ELOVL6: variants seen among roughly 807,000 people sequenced by gnomAD.
The protein encoded by ELOVL6 is ELOVL fatty acid elongase 6.
ELOVL6 carries 8 observed loss-of-function variants against 31.7 expected under a neutral mutation model. The observed-to-expected ratio is 0.25, with a 90% CI of 0.15 to 0.45. The LOEUF (loss-of-function observed/expected upper bound fraction) is 0.45. ELOVL6 is among the 20% of genes least tolerant of loss of function. The probability of loss-of-function intolerance (pLI) is 1.00; values close to 1 mark genes in which losing one functional copy is unlikely to be tolerated. For missense variants in ELOVL6, 126 were observed against 326.4 expected (o/e 0.39, Z 4.73); for synonymous variants, 101 against 117.7 (o/e 0.86, Z 0.92).
chr4:110,064,084 A>G (rs1215938925), intron 2 of ELOVL6, among the ~76,000 whole-genome samples: 2 of 150,234 alleles, frequency 1.3e-5, no homozygotes, highest in Non-Finnish European at 2.9e-5. Context: ...GTCTCAAAAA[A>G]AAAAAAAAAA....
intron 1 of ELOVL6, among the ~76,000 whole-genome samples, chr4:110,121,023 A>T (rs1757342701): frequency 6.6e-6 from 1 of 151,210 alleles, no homozygotes; most frequent in Non-Finnish European, 1.5e-5. Flanking sequence ...CTGGTCTCGA[A>T]CTCCTGACCT....
intron 2 of ELOVL6, among the ~76,000 whole-genome samples, chr4:110,084,573 T>G (rs1468506499): frequency 9.2e-5 from 4 of 43,608 alleles, no homozygotes; most frequent in Admixed American, 7.1e-4. Context: ...GATATATATA[T>G]ATATATATAT....
At chr4:110,126,735 A>G (rs1053735662) in intron 1 of ELOVL6, among the ~76,000 whole-genome samples, 1 of 152,328 alleles carries the variant, frequency 6.6e-6, no homozygotes, top group East Asian at 1.9e-4. Flanking sequence ...TTCTGAATCC[A>G]GAAGAGTAAC....
chr4:110,106,326 A>C (rs1185618287), intron 1 of ELOVL6, among the ~76,000 whole-genome samples: 1 of 152,206 alleles, frequency 6.6e-6, no homozygotes, highest in East Asian at 1.9e-4. Context: ...CTCCATCTCA[A>C]AAGGCAAAAG....
At chr4:110,126,674 C>T (rs1462469589) in intron 1 of ELOVL6, among the ~76,000 whole-genome samples, 1 of 152,190 alleles carries the variant, frequency 6.6e-6, no homozygotes, top group African/African-American at 2.4e-5. Flanking sequence ...CTGACCACCT[C>T]CAACAGAACC....
chr4:110,063,621 T>C (rs1382949068), intron 2 of ELOVL6, among the ~76,000 whole-genome samples: 1 of 152,166 alleles, frequency 6.6e-6, no homozygotes, highest in Non-Finnish European at 1.5e-5. Flanking sequence ...GAAATGTATC[T>C]TTCCTTCAGA....
intron 1 of ELOVL6, among the ~76,000 whole-genome samples, chr4:110,109,556 A>G (rs1756973267): frequency 6.6e-6 from 1 of 152,184 alleles, no homozygotes; most frequent in African/African-American, 2.4e-5. Flanking sequence ...GTTCCAAAGC[A>G]TTCCTAGGAC....
intron 2 of ELOVL6, among the ~76,000 whole-genome samples, chr4:110,075,977 A>G (rs1257140809): frequency 6.6e-6 from 1 of 152,212 alleles, no homozygotes; most frequent in Non-Finnish European, 1.5e-5. Context: ...AAACACATCA[A>G]AGTTTCCAAC....
At chr4:110,183,394 T>C (rs1396156173) in intron 1 of ELOVL6, among the ~76,000 whole-genome samples, 1 of 152,180 alleles carries the variant, frequency 6.6e-6, no homozygotes, top group African/African-American at 2.4e-5. Flanking sequence ...ATACCTCACA[T>C]GTATTGACTG....
At chr4:110,101,991 T>C (rs1315468741) in intron 2 of ELOVL6, among the ~76,000 whole-genome samples, 1 of 152,236 alleles carries the variant, frequency 6.6e-6, no homozygotes, top group African/African-American at 2.4e-5. Context: ...TTCTAGTATC[T>C]CTATAAATAT....
chr4:110,152,993 T>C (rs749221026), intron 1 of ELOVL6, among the ~76,000 whole-genome samples: 10 of 152,206 alleles, frequency 6.6e-5, no homozygotes, highest in Non-Finnish European at 1.3e-4. Flanking sequence ...CACTGGTCTA[T>C]TGAAGAGCAG....
intron 2 of ELOVL6, among the ~76,000 whole-genome samples, chr4:110,066,572 G>A (rs1028600955): frequency 2.0e-5 from 3 of 148,394 alleles, no homozygotes; most frequent in African/African-American, 7.4e-5. Context: ...GCAGGAGGGG[G>A]AGCCTGCAGT....
rs1156263021 is a variant in ELOVL6, at chr4:110,051,135, GCACT to G, written c.*199_*202del. 1 of 576,054 alleles carries G rather than the reference GCACT, an allele frequency of 1.7e-6. No individual in the cohort carries two copies. The highest frequency in any genetic ancestry group is 3.1e-6 in the Non-Finnish European group (1 of 325,378). The allele number at this position is 576,054 out of a possible 1,614,324, so 35.7% of individuals were successfully genotyped here. A position where few individuals can be genotyped will look rare whatever the true frequency, so the allele number is the denominator to read the frequency against. ...AGCAGCAGTGCTTGGAGATGGAGGT[GCACT>G]CAGTGAGTCCTCACCCTAAAAGGAT... On this transcript the variant is annotated 3_prime_UTR_variant, in exon 4 of 4. Coordinates refer to ENST00000302274, the MANE Select transcript of ELOVL6 (RefSeq NM_024090.3). The surrounding 1 kb of genome is among the most constrained non-coding windows in gnomAD (Gnocchi z 4.8).
In ELOVL6 at chr4:110,084,344, G is replaced by GATATATGACATATATCGC. The variant is rs1560814959; in HGVS notation, c.221+21152_221+21153insGCGATATATGTCATATAT. On this transcript the variant is annotated intron_variant, in intron 2 of 3. Transcript: ENST00000302274. ...TAAATTTGATATATATCACATATATGATATATGATATATACCGCATATATG... is the reference window on the plus strand; with the variant it reads ...TAAATTTGATATATATCACATATATGATATATGACATATATCGCATATATGATATATACCGCATATATG... 6.9e-4 allele frequency among the ~76,000 whole-genome samples: 61 copies of GATATATGACATATATCGC among 88,426 alleles called. 2 individuals are homozygous for GATATATGACATATATCGC. Among genetic ancestry groups the GATATATGACATATATCGC allele is most frequent in the African/African-American group, 1.0e-3 (25 of 24,010 alleles). 58.0% of individuals were successfully genotyped at this position (88,426 alleles called of 152,430 possible).
intron 2 of ELOVL6, among the ~76,000 whole-genome samples, chr4:110,069,906 CG>C (rs1755419148): frequency 6.6e-6 from 1 of 152,118 alleles, no homozygotes; most frequent in Admixed American, 6.5e-5. Flanking sequence ...GAGACCCCAC[CG>C]TGCAAGATGC....
chr4:110,066,562 G>A (rs1755307322), intron 2 of ELOVL6, among the ~76,000 whole-genome samples: 1 of 144,056 alleles, frequency 6.9e-6, no homozygotes, highest in Non-Finnish European at 1.5e-5. Flanking sequence ...TCACGTGAAC[G>A]CAGGAGGGGG....
At position 110,116,358 on chromosome 4, in the gene ELOVL6, C is replaced by T. The variant is rs555446702; in HGVS notation, c.90-10730G>A. On this transcript the variant is annotated intron_variant, in intron 1 of 3. Coordinates refer to ENST00000302274, the MANE Select transcript of ELOVL6 (RefSeq NM_024090.3). ...TGTTTCATGTCTATTCCTGGTTTGC[C>T]ATCCCCAAAGCCAGGTTCTTCCCCT... is the stretch of plus-strand genomic sequence containing the variant. Among the ~76,000 whole-genome samples the T allele has an allele frequency of 2.6e-5, 4 of 152,260 alleles. No individual in the cohort carries two copies. The South Asian group carries it at 8.3e-4, about 32-fold the overall frequency.
chr4:110,170,446 T>C (rs1392266337), intron 1 of ELOVL6, among the ~76,000 whole-genome samples: 3 of 152,250 alleles, frequency 2.0e-5, no homozygotes, highest in African/African-American at 7.2e-5. Context: ...AGTACTTTTG[T>C]AGTCATTTGT....
At chr4:110,063,728 T>C (rs1312745418) in intron 2 of ELOVL6, among the ~76,000 whole-genome samples, 1 of 150,784 alleles carries the variant, frequency 6.6e-6, no homozygotes, top group African/African-American at 2.5e-5. Context: ...ACATGCCTTT[T>C]CCCAGCTCTA....
Sources: allele counts gnomAD v4.1 joint callset (sites outside exome capture counted in the v4.1 genomes callset), GRCh38; gene constraint gnomAD v4.1.1; non-coding constraint Gnocchi (gnomAD v3.1); transcripts MANE v1.5; gene names NCBI Gene and HGNC (gene_info 2026-07-23, HGNC 2026-07-21).